The following BFSP2 variants were observed in gnomAD, a reference collection of about 807,000 sequenced individuals.
BFSP2 encodes phakinin.
Under a neutral mutation model 44.9 loss-of-function variants are expected in BFSP2, and 38 were observed. The observed-to-expected ratio is 0.85, with a 90% confidence interval of 0.65 to 1.11. The LOEUF is 1.11. BFSP2 is among the 50% of genes least tolerant of loss of function. The pLI, the probability that BFSP2 is intolerant of heterozygous loss-of-function variation, is 0.00. For synonymous variants in BFSP2, 197 were observed against 209.9 expected (o/e 0.94, Z 0.53); for missense variants, 525 against 533.0 (o/e 0.99, Z 0.15).
intron 1 of BFSP2, among the ~76,000 whole-genome samples, chr3:133,432,728 A>G (rs1038034983): frequency 6.6e-6 from 1 of 152,198 alleles, no homozygotes; most frequent in Non-Finnish European, 1.5e-5. Flanking sequence ...ATAATTCTTC[A>G]TAAAAACACA....
intron 5 of BFSP2, among the ~76,000 whole-genome samples, chr3:133,468,028 C>T (rs2074128534): frequency 6.6e-6 from 1 of 152,200 alleles, no homozygotes; most frequent in African/African-American, 2.4e-5. Context: ...CAGTCCAGCC[C>T]ACTTCTCAGT....
chr3:133,406,408 C>T (rs1239447315), intron 1 of BFSP2, among the ~76,000 whole-genome samples: 1 of 152,208 alleles, frequency 6.6e-6, no homozygotes, highest in Non-Finnish European at 1.5e-5. Flanking sequence ...CTCGGCCACT[C>T]TTAAACCTCT....
intron 1 of BFSP2, chr3:133,429,802 T>C (rs1416760572): frequency 6.6e-6 from 1 of 151,652 alleles, no homozygotes; most frequent in African/African-American, 2.4e-5. Context: ...ATGTGCACAA[T>C]GTGCAGGTTA....
chr3:133,433,524 C>A (rs553416974), intron 1 of BFSP2, among the ~76,000 whole-genome samples: 1 of 152,288 alleles, frequency 6.6e-6, no homozygotes, highest in South Asian at 2.1e-4. Flanking sequence ...TTACTCAAAG[C>A]CCCGAGTCAG....
intron 1 of BFSP2, among the ~76,000 whole-genome samples, chr3:133,421,383 C>G (rs11712866): frequency 1.3e-5 from 2 of 152,206 alleles, no homozygotes; most frequent in East Asian, 3.9e-4. Flanking sequence ...GGGAGAGAAT[C>G]GGTCCCAGGC....
rs115902678 is a variant in BFSP2, at chr3:133,450,781, C to G, written c.891+317C>G. On this transcript the variant is annotated intron_variant, in intron 4 of 6. Coordinates refer to ENST00000302334, the MANE Select transcript of BFSP2 (RefSeq NM_003571.4). ...TATGCACCAAGAGTGTTAAAATGCC[C>G]CTAGCTACCAACTGAATAATCTGAA... Among the ~76,000 whole-genome samples the G allele has an allele frequency of 4.0e-3, 602 of 152,172 alleles. 4 individuals carry two copies. Among genetic ancestry groups the G allele is most frequent in the African/African-American group, 0.013 (526 of 41,524 alleles).
At chr3:133,473,921 TTA>T in intron 6 of BFSP2, among the ~76,000 whole-genome samples, 1 of 152,342 alleles carries the variant, frequency 6.6e-6, no homozygotes, top group Non-Finnish European at 1.5e-5. Flanking sequence ...GGACTGTCCC[TTA>T]TATCTCATTG....
chr3:133,450,093 G>GGAGA (rs1287671189), intron 3 of BFSP2, among the ~76,000 whole-genome samples: 1 of 150,774 alleles, frequency 6.6e-6, no homozygotes, highest in African/African-American at 2.4e-5. Context: ...AGGAAGGGAG[G>GGAGA]GAGAGAGGGA....
At chr3:133,462,810 C>T (rs1216660675) in intron 4 of BFSP2, among the ~76,000 whole-genome samples, 1 of 152,138 alleles carries the variant, frequency 6.6e-6, no homozygotes, top group Non-Finnish European at 1.5e-5. Flanking sequence ...AATAGTATCA[C>T]AAAATCAGAC....
chr3:133,455,026 A>G (rs1432215682), intron 4 of BFSP2, among the ~76,000 whole-genome samples: 1 of 152,234 alleles, frequency 6.6e-6, no homozygotes, highest in East Asian at 1.9e-4. Flanking sequence ...CTTCAGGGGC[A>G]GTGACATGTG....
intron 1 of BFSP2, among the ~76,000 whole-genome samples, chr3:133,446,612 A>T (rs1458951140): frequency 4.2e-5 from 2 of 47,630 alleles, no homozygotes; most frequent in African/African-American, 2.1e-4. Flanking sequence ...ATATATATAT[A>T]TATATATATA....
At position 133,403,174 on chromosome 3, in the gene BFSP2, T is replaced by C. The variant is rs534670323; in HGVS notation, c.489+2602T>C. ...CCACAACACGCTGCCTTCATCTCAC[T>C]TGGGGTCAGAGGCAGCCACTCTGCG... On this transcript the variant is annotated intron_variant, in intron 1 of 6. Transcript: ENST00000302334. Among the ~76,000 whole-genome samples, 3 of 152,282 alleles carry C rather than the reference T, an allele frequency of 2.0e-5. 1 individual carries two copies. In the South Asian group the frequency reaches 6.2e-4, roughly 32 times the overall value.
At chr3:133,423,091 C>T (rs538223281) in intron 1 of BFSP2, among the ~76,000 whole-genome samples, 6 of 152,188 alleles carry the variant, frequency 3.9e-5, no homozygotes, top group Middle Eastern at 3.4e-3. Context: ...AACCTAAAAC[C>T]TAGCACAATG....
In BFSP2 at chr3:133,450,544, G is replaced by A. The variant is rs1052456287; in HGVS notation, c.891+80G>A. ...TGAGCTGCAAACTAGTCAATGTGCA[G>A]ACGAAGAAATAACAACGGTTTAGTA... On this transcript the variant is annotated intron_variant, in intron 4 of 6. Coordinates refer to ENST00000302334, the MANE Select transcript of BFSP2 (RefSeq NM_003571.4). 3.9e-6 allele frequency: 6 copies of A among 1,532,218 alleles called. No homozygotes were observed. The Admixed American group carries it at 1.0e-4, about 26-fold the overall frequency. 94.9% of individuals were successfully genotyped at this position (1,532,218 alleles called of 1,614,324 possible). A position where few individuals can be genotyped will look rare whatever the true frequency, so the allele number is the denominator to read the frequency against.
intron 1 of BFSP2, among the ~76,000 whole-genome samples, chr3:133,415,358 ACCC>A (rs2073511214): frequency 2.6e-5 from 1 of 38,748 alleles, no homozygotes; most frequent in African/African-American, 1.2e-4. Context: ...CCCTCTACTC[ACCC>A]CTCTACTCAA....
intron 1 of BFSP2, among the ~76,000 whole-genome samples, chr3:133,403,090 C>T (rs1346248806): frequency 1.3e-5 from 2 of 152,182 alleles, no homozygotes; most frequent in African/African-American, 4.8e-5. Context: ...AGGAGGCCCC[C>T]ACCAGGCCCC....
chr3:133,444,759 C>T (rs2073881178), intron 1 of BFSP2, among the ~76,000 whole-genome samples: 1 of 152,152 alleles, frequency 6.6e-6, no homozygotes, highest in South Asian at 2.1e-4. Flanking sequence ...ATTTTTCCAC[C>T]TACCCTATGA....
At chr3:133,441,063 G>T (rs1485142901) in intron 1 of BFSP2, among the ~76,000 whole-genome samples, 1 of 147,146 alleles carries the variant, frequency 6.8e-6, no homozygotes, top group Non-Finnish European at 1.5e-5. Flanking sequence ...TTTTTTGAGG[G>T]AGTTTTGCTC....
At chr3:133,434,335 A>G (rs1265119972) in intron 1 of BFSP2, among the ~76,000 whole-genome samples, 1 of 151,956 alleles carries the variant, frequency 6.6e-6, no homozygotes, top group Admixed American at 6.6e-5. Context: ...ACATCCCCAC[A>G]ATATCACCCC....
Sources: gnomAD v4.1 joint callset for allele counts (sites outside exome capture counted in the v4.1 genomes callset) on GRCh38, gnomAD v4.1.1 for gene constraint, MANE v1.5 for transcripts, NCBI Gene and HGNC (gene_info 2026-07-23, HGNC 2026-07-21) for gene names.